The following RBFOX2 variants were observed in gnomAD, a reference collection of about 807,000 sequenced individuals.
RBFOX2 encodes the protein RNA binding fox-1 homolog 2.
RBFOX2 carries 10 observed loss-of-function variants against 49.1 expected under a neutral mutation model. The ratio of observed to expected loss-of-function variants is 0.20; its 90% CI spans 0.13 to 0.35. RBFOX2 has a LOEUF of 0.35. Among genes scored for constraint, RBFOX2 ranks in the 10% least tolerant of loss-of-function variants. The probability of loss-of-function intolerance (pLI) is 1.00; values close to 1 mark genes in which losing one functional copy is unlikely to be tolerated. For synonymous variants in RBFOX2, 183 were observed against 187.4 expected, an observed-to-expected ratio of 0.98 and a Z score of 0.19; for missense variants, 323 against 486.9, an observed-to-expected ratio of 0.66 and a Z score of 3.17.
At chr22:36,001,573 A>T (rs192980721) in intron 1 of RBFOX2, among the ~76,000 whole-genome samples, 2 of 152,288 alleles carry the variant, frequency 1.3e-5, no homozygotes, top group Admixed American at 1.3e-4. Flanking sequence ...CAGCCTGGGC[A>T]ACATAGCAAG....
intron 9 of RBFOX2, chr22:35,750,583 G>T: frequency 1.6e-6 from 1 of 633,654 alleles, no homozygotes; most frequent in African/African-American, 1.8e-5. Context: ...GCTTGGCTAA[G>T]CTTGATTCAG....
intron 1 of RBFOX2, among the ~76,000 whole-genome samples, chr22:35,968,421 T>C (rs577175926): frequency 6.6e-6 from 1 of 152,298 alleles, no homozygotes; most frequent in East Asian, 1.9e-4. Context: ...ATTTTACAGG[T>C]CAAGGTAAAC....
At chr22:35,910,808 A>G (rs1445657441) in intron 1 of RBFOX2, among the ~76,000 whole-genome samples, 1 of 152,212 alleles carries the variant, frequency 6.6e-6, no homozygotes, top group African/African-American at 2.4e-5. Flanking sequence ...ATACAAATCC[A>G]TTTGGGCTTT....
intron 1 of RBFOX2, among the ~76,000 whole-genome samples, chr22:35,837,346 A>G (rs1195918103): frequency 6.6e-6 from 1 of 152,240 alleles, no homozygotes; most frequent in Non-Finnish European, 1.5e-5. Flanking sequence ...AAACAGTGAA[A>G]ACACATCCAT....
At chr22:36,008,517 G>A (rs1364162766) in intron 1 of RBFOX2, among the ~76,000 whole-genome samples, 1 of 152,098 alleles carries the variant, frequency 6.6e-6, no homozygotes, top group African/African-American at 2.4e-5. Context: ...TTCTCCTAGA[G>A]GTTTAACAAA....
At chr22:36,027,361 CAA>C (rs1158924220) in intron 1 of RBFOX2, among the ~76,000 whole-genome samples, 4 of 152,118 alleles carry the variant, frequency 2.6e-5, no homozygotes, top group African/African-American at 9.7e-5. Flanking sequence ...ATTTTCTGGG[CAA>C]AGACCAAATC....
chr22:35,876,957 G>A (rs1038034322), intron 1 of RBFOX2, among the ~76,000 whole-genome samples: 6 of 152,312 alleles, frequency 3.9e-5, no homozygotes, highest in East Asian at 1.9e-4. Context: ...CACCTTGCAC[G>A]TTGGTTGGTA....
At chr22:35,772,034 C>T (rs1440912525) in intron 4 of RBFOX2, among the ~76,000 whole-genome samples, 3 of 151,990 alleles carry the variant, frequency 2.0e-5, no homozygotes, top group Admixed American at 6.6e-5. Flanking sequence ...AATGATCATA[C>T]AACCTATCAA....
chr22:36,028,184 T>G (rs77241789), intron 1 of RBFOX2, 56 bp downstream of exon 1: 85,543 of 1,402,124 alleles, frequency 0.061, 7,073 homozygotes, highest in African/African-American at 0.4. Flanking sequence ...GGGAGCCCGG[T>G]GTCGACCCTC....
At chr22:35,886,120 T>C (rs1168435883) in intron 1 of RBFOX2, among the ~76,000 whole-genome samples, 1 of 152,028 alleles carries the variant, frequency 6.6e-6, no homozygotes, top group Admixed American at 6.6e-5. Context: ...CCTCCCAAAG[T>C]GCTGGGATTA....
At chr22:35,868,393 C>T (rs1213565392) in intron 1 of RBFOX2, among the ~76,000 whole-genome samples, 1 of 152,134 alleles carries the variant, frequency 6.6e-6, no homozygotes, top group Non-Finnish European at 1.5e-5. Context: ...CTTGTTACTT[C>T]CCATTTTAAA....
At chr22:35,955,652 GT>G (rs1463966773) in intron 1 of RBFOX2, among the ~76,000 whole-genome samples, 3 of 152,116 alleles carry the variant, frequency 2.0e-5, no homozygotes, top group Non-Finnish European at 2.9e-5. Flanking sequence ...GCAGTTCACA[GT>G]AGGGTATGCA....
chr22:35,804,190 A>AT (rs1950277959), intron 2 of RBFOX2, among the ~76,000 whole-genome samples: 1 of 152,052 alleles, frequency 6.6e-6, no homozygotes, highest in Non-Finnish European at 1.5e-5. Context: ...AGGCAGGAGA[A>AT]TTGGTCGAAC....
At chr22:35,856,691 G>C (rs1288743539) in intron 1 of RBFOX2, among the ~76,000 whole-genome samples, 1 of 151,850 alleles carries the variant, frequency 6.6e-6, no homozygotes, top group African/African-American at 2.4e-5. Flanking sequence ...GATGGGACAG[G>C]GGGTGGAGGA....
At chr22:35,869,357 T>G (rs6000021) in intron 1 of RBFOX2, among the ~76,000 whole-genome samples, 1 of 151,452 alleles carries the variant, frequency 6.6e-6, no homozygotes, top group Non-Finnish European at 1.5e-5. Context: ...AGGGTTTCAC[T>G]TGTCCAGTCC....
intron 4 of RBFOX2, among the ~76,000 whole-genome samples, chr22:35,777,158 T>G (rs747701773): frequency 1.3e-5 from 2 of 151,824 alleles, no homozygotes; most frequent in Non-Finnish European, 2.9e-5. Flanking sequence ...ATTACAGGCG[T>G]GTGCCACCAG....
intron 1 of RBFOX2, among the ~76,000 whole-genome samples, chr22:35,959,301 G>C (rs951756805): frequency 1.3e-5 from 2 of 152,190 alleles, no homozygotes; most frequent in Non-Finnish European, 2.9e-5. Context: ...AGTAGAGCCA[G>C]AGCCATAATT....
Position 35,956,330 on chromosome 22 carries a change from A to ATCAG in RBFOX2, c.42+5229_42+5232dup, listed in dbSNP as rs2055553313. Among the ~76,000 whole-genome samples, 4 of 151,810 alleles carry ATCAG rather than the reference A, an allele frequency of 2.6e-5. No homozygotes were observed. The East Asian group carries it at 5.8e-4, about 22-fold the overall frequency. On this transcript the variant is annotated intron_variant, in intron 1 of 5. Transcript: ENST00000408983. ...TCAAATTTTATCACTGGCCACAAAT[A>ATCAG]TCAGTTTTCCTTAAAATGACAGGCT...
intron 1 of RBFOX2, among the ~76,000 whole-genome samples, chr22:35,894,862 G>A (rs1406597653): frequency 6.6e-6 from 1 of 151,790 alleles, no homozygotes; most frequent in Non-Finnish European, 1.5e-5. Context: ...GCGGTCAGTG[G>A]ATCCTGGACT....
Sources: allele counts gnomAD v4.1 joint callset (sites outside exome capture counted in the v4.1 genomes callset), GRCh38; gene constraint gnomAD v4.1.1; transcripts MANE v1.5; gene names NCBI Gene and HGNC (gene_info 2026-07-23, HGNC 2026-07-21).